CUX2: variants seen among roughly 807,000 people sequenced by gnomAD.
CUX2 encodes cut like homeobox 2.
Under a neutral mutation model 144.8 loss-of-function variants are expected in CUX2, and 40 were observed. That is an observed-to-expected ratio of 0.28 (90% CI 0.21 to 0.36). CUX2 has a LOEUF of 0.36. Ranked by LOEUF, CUX2 falls within the 10% of genes least tolerant of loss-of-function variation. CUX2 has a pLI of 1.00. For missense variants in CUX2, 1,615 were observed against 1,994.0 expected (o/e 0.81, Z 3.62); for synonymous variants, 827 against 875.6 (o/e 0.94, Z 0.98).
At chr12:111,239,971 A>G (rs754440918) in intron 3 of CUX2, among the ~76,000 whole-genome samples, 1 of 152,238 alleles carries the variant, frequency 6.6e-6, no homozygotes, top group Non-Finnish European at 1.5e-5. Context: ...TTGGGGTGCA[A>G]GAAACAAAAA....
chr12:111,279,250 T>C (rs1405682862), intron 4 of CUX2, among the ~76,000 whole-genome samples: 4 of 152,118 alleles, frequency 2.6e-5, no homozygotes, highest in Non-Finnish European at 5.9e-5. Context: ...ATGAAATGGG[T>C]ATAGCAGGAG....
chr12:111,186,638 G>A lies in CUX2; in HGVS notation c.64-27562G>A, dbSNP rs1007629809. On this transcript the variant is annotated intron_variant, in intron 1 of 21. Transcript: ENST00000261726. This position sits in a 1 kb window ranked among gnomAD's most constrained non-coding sequence, Gnocchi z 4.4. ...GGTCCCTGGGCTCGCCTTCAGCGCC[G>A]CCATCTGCCAGCTGTGTGACCTTGT... Among the ~76,000 whole-genome samples the A allele has an allele frequency of 2.6e-5, 4 of 152,230 alleles. No homozygotes were observed. The highest frequency in any genetic ancestry group is 2.1e-4 in the South Asian group (1 of 4,834).
rs1869328884 is a variant in CUX2, at chr12:111,034,678, G to A, written c.63+438G>A. 6.6e-6 allele frequency among the ~76,000 whole-genome samples: 1 copy of A among 151,658 alleles called. No homozygotes were observed. Among genetic ancestry groups the A allele is most frequent in the African/African-American group, 2.4e-5 (1 of 41,392 alleles). The stretch of plus-strand genomic sequence containing the variant: ...CGCTTGCCAGTCCGCACCCGGCTGG[G>A]GCTCCGGCGAGGGAGGGAGGGAGCT... On this transcript the variant is annotated intron_variant, in intron 1 of 21. Coordinates refer to ENST00000261726, the MANE Select transcript of CUX2 (RefSeq NM_015267.4). The surrounding 1 kb of genome is among the most constrained non-coding windows in gnomAD (Gnocchi z 4.2).
At chr12:111,174,262 A>G (rs76956221) in intron 1 of CUX2, among the ~76,000 whole-genome samples, 1,605 of 152,360 alleles carry the variant, frequency 0.011, 37 homozygotes, top group African/African-American at 0.037. Flanking sequence ...GCAAGCATCC[A>G]GGCAGGAATT....
intron 4 of CUX2, among the ~76,000 whole-genome samples, chr12:111,273,496 A>G (rs1033375038): frequency 1.1e-4 from 16 of 152,332 alleles, no homozygotes; most frequent in South Asian, 4.1e-4. Flanking sequence ...TAAAAATCCA[A>G]GGAGCTTGGA....
At chr12:111,063,121 C>G (rs1166614835) in intron 1 of CUX2, among the ~76,000 whole-genome samples, 5 of 152,182 alleles carry the variant, frequency 3.3e-5, no homozygotes, top group Non-Finnish European at 7.3e-5. Flanking sequence ...TCCTCTGGCC[C>G]AAGTCTGTAT....
chr12:111,100,222 T>C (rs780888049), intron 1 of CUX2: 1 of 361,760 alleles, frequency 2.8e-6, no homozygotes, highest in African/African-American at 2.1e-5. Flanking sequence ...TGTGCTTGTG[T>C]CTGTGTGTGT....
chr12:111,205,178 C>G (rs938785529), intron 1 of CUX2, among the ~76,000 whole-genome samples: 2 of 152,102 alleles, frequency 1.3e-5, no homozygotes, highest in Non-Finnish European at 2.9e-5. Context: ...TATGGCAGGC[C>G]GGCGGGTGCC....
chr12:111,078,391 G>GT (rs1427229095), intron 1 of CUX2, among the ~76,000 whole-genome samples: 4 of 152,226 alleles, frequency 2.6e-5, no homozygotes, highest in African/African-American at 9.6e-5. Flanking sequence ...TGGGGGCCAG[G>GT]TGCAGCAGCT....
intron 1 of CUX2, among the ~76,000 whole-genome samples, chr12:111,152,148 G>A (rs1368865714): frequency 1.3e-5 from 2 of 152,082 alleles, no homozygotes; most frequent in Non-Finnish European, 2.9e-5. Context: ...GCTGGGCATG[G>A]TAGCACATGC....
intron 1 of CUX2, among the ~76,000 whole-genome samples, chr12:111,211,522 A>G (rs1264802849): frequency 6.6e-6 from 1 of 152,178 alleles, no homozygotes; most frequent in East Asian, 1.9e-4. Flanking sequence ...TGAGAGGCAA[A>G]GTTCACCCCC....
intron 1 of CUX2, among the ~76,000 whole-genome samples, chr12:111,110,519 A>T (rs564664291): frequency 6.6e-6 from 1 of 152,332 alleles, no homozygotes; most frequent in South Asian, 2.1e-4. Flanking sequence ...TCTACATTTG[A>T]GGTTAAAACT....
rs1234027433 is a variant in CUX2 at position 111,320,493 on chromosome 12, C to A, written c.2484C>A (p.Asp828Glu). 6.3e-7 allele frequency: 1 copy of A among 1,585,704 alleles called. No individual in the cohort carries two copies. The highest frequency in any genetic ancestry group is 1.1e-5 in the South Asian group (1 of 90,088). ...QPNGRAWPRGDEAPVPPEDEA... is the reference protein window; with the variant it reads ...QPNGRAWPRGEEAPVPPEDEA... ...ACGGCCGCGCCTGGCCCCGCGGGGA[C>A]GAGGCCCCTGTGCCCCCCGAGGACG... Residue 828 changes from aspartate to glutamate, a missense_variant, in exon 17 of 22, where the codon GAC becomes GAA. By Grantham distance (45) the Asp-to-Glu change is conservative. Coordinates refer to ENST00000261726, the MANE Select transcript of CUX2 (RefSeq NM_015267.4). The surrounding 1 kb of genome is among the most constrained non-coding windows in gnomAD (Gnocchi z 8.1).
chr12:111,328,583 T>C (rs1369056608), intron 18 of CUX2, among the ~76,000 whole-genome samples: 1 of 110,822 alleles, frequency 9.0e-6, no homozygotes, highest in Non-Finnish European at 1.8e-5. Context: ...ATTTCTTTTG[T>C]GTGTGTGTGT....
In CUX2 at chr12:111,251,061, T is replaced by C. The variant is rs77764712; in HGVS notation, c.223-12700T>C. ...TATTTGCAAGGCGCTAAAGAAAGCC[T>C]CCTGTCCCTTTTATGCCAGGAGCCC... On this transcript the variant is annotated intron_variant, in intron 3 of 21. Coordinates refer to ENST00000261726, the MANE Select transcript of CUX2 (RefSeq NM_015267.4). Among the ~76,000 whole-genome samples the C allele has an allele frequency of 6.6e-3, 1,006 of 152,274 alleles. 9 individuals are homozygous for C. Among genetic ancestry groups the C allele is most frequent in the Non-Finnish European group, 0.012 (811 of 68,016 alleles).
chr12:111,042,855 C>G (rs941264207), intron 1 of CUX2, among the ~76,000 whole-genome samples: 2 of 150,730 alleles, frequency 1.3e-5, no homozygotes, highest in African/African-American at 4.9e-5. Flanking sequence ...AGGCTAGTCT[C>G]GAACTCCTAA....
chr12:111,223,314 C>T (rs1881948963), intron 3 of CUX2, among the ~76,000 whole-genome samples: 1 of 152,174 alleles, frequency 6.6e-6, no homozygotes, highest in Admixed American at 6.5e-5. Flanking sequence ...CCAAGGGAGG[C>T]CGTCGGTTCC....
rs994818960 is a variant in CUX2 at position 111,277,389 on chromosome 12, A to G, written c.301+13550A>G. On this transcript the variant is annotated intron_variant, in intron 4 of 21. Transcript: ENST00000261726. This position sits in a 1 kb window ranked among gnomAD's most constrained non-coding sequence, Gnocchi z 5.0. ...GAGGTTAGTAGGACGGTCAGCTGCC[A>G]TTTCCTTATCTGATGCAAGCCGTTT... 1.3e-5 allele frequency among the ~76,000 whole-genome samples: 2 copies of G among 151,842 alleles called. No individual in the cohort carries two copies. The highest frequency in any genetic ancestry group is 4.8e-5 in the African/African-American group (2 of 41,312).
chr12:111,317,140 A>G (rs887392012), intron 16 of CUX2, among the ~76,000 whole-genome samples: 2 of 152,214 alleles, frequency 1.3e-5, no homozygotes, highest in African/African-American at 4.8e-5. Context: ...ATTATTTTTA[A>G]TGGGTCTAAG....
Sources: allele counts gnomAD v4.1 joint callset (sites outside exome capture counted in the v4.1 genomes callset), GRCh38; gene constraint gnomAD v4.1.1; non-coding constraint Gnocchi (gnomAD v3.1); transcripts MANE v1.5; gene names NCBI Gene and HGNC (gene_info 2026-07-23, HGNC 2026-07-21).